Variants in ARHGAP39 observed in about 807,000 individuals in gnomAD.
ARHGAP39 encodes the protein Rho GTPase activating protein 39, also known as rho GTPase-activating protein 39.
In ARHGAP39, 44 loss-of-function variants were observed where a neutral mutation model predicts 106.9. That is an observed-to-expected ratio of 0.41 (90% CI 0.32 to 0.53). The LOEUF is 0.53. Ranked by LOEUF, ARHGAP39 falls within the 20% of genes least tolerant of loss-of-function variation. The pLI, the probability that ARHGAP39 is intolerant of heterozygous loss-of-function variation, is 0.21. For missense variants in ARHGAP39, 1,496 were observed against 1,577.3 expected, an observed-to-expected ratio of 0.95 and a Z score of 0.87; for synonymous variants, 768 against 693.2, an observed-to-expected ratio of 1.11 and a Z score of -1.69.
chr8:144,555,455 TG>T, intron 4 of ARHGAP39, 104 bp downstream of exon 4: 2 of 996,976 alleles, frequency 2.0e-6, no homozygotes, highest in Non-Finnish European at 3.2e-6. Context: ...TCTGGGTCTG[TG>T]GTGTTGCTGC....
At chr8:144,590,176 T>C (rs531925840) in intron 2 of ARHGAP39, among the ~76,000 whole-genome samples, 25 of 152,284 alleles carry the variant, frequency 1.6e-4, no homozygotes, top group African/African-American at 5.8e-4. Context: ...GACACTGCGG[T>C]TGGGGCAGGG....
Position 144,547,795 on chromosome 8 carries a change from G to C in ARHGAP39, c.1291C>G (p.Pro431Ala), listed in dbSNP as rs1406071690. The C allele has an allele frequency of 6.9e-6, 11 of 1,595,424 alleles. No individual in the cohort carries two copies. The highest frequency in any genetic ancestry group is 8.5e-6 in the Non-Finnish European group (10 of 1,175,326). Residue 431 changes from proline to alanine, a missense_variant, in exon 5 of 12, where the codon CCC becomes GCC. Around this residue, in one of 4 missense-constraint regions of ARHGAP39, gnomAD observed 905 missense variants for 816.4 expected, o/e 1.11. Transcript: ENST00000377307. This position sits in a 1 kb window ranked among gnomAD's most constrained non-coding sequence, Gnocchi z 5.2. ...NPGGGSYSLQPSPCLLRDQRL... is the reference protein window; with the variant it reads ...NPGGGSYSLQASPCLLRDQRL... ...TGGTCCCTCAGCAGGCAGGGGCTGG[G>C]CTGCAAGGAGTACGAACCACCGCCG...
At position 144,547,148 on chromosome 8, in the gene ARHGAP39, C is replaced by T. The variant is rs952263694; in HGVS notation, c.1938G>A (p.Glu646=). ...TCACCTGTGAGGGGTGGAGGTAGGG[C>T]TCTGGTGAGGCCAGGTTGGTCTGCA... ...VSVQTNLASP[E]PYLHPSQSED... is the part of the protein sequence containing the mutation. Residue 646 remains glutamate, a synonymous_variant, in exon 5 of 12, where the codon GAG becomes GAA. Coordinates refer to ENST00000377307, the MANE Select transcript of ARHGAP39 (RefSeq NM_025251.3). The surrounding 1 kb of genome is among the most constrained non-coding windows in gnomAD (Gnocchi z 5.2). The T allele has an allele frequency of 1.1e-5, 18 of 1,606,010 alleles. No homozygotes were observed. The highest frequency in any genetic ancestry group is 1.5e-5 in the Non-Finnish European group (18 of 1,176,446).
At chr8:144,678,001 C>T (rs1194405288) in intron 1 of ARHGAP39, among the ~76,000 whole-genome samples, 4 of 152,194 alleles carry the variant, frequency 2.6e-5, no homozygotes, top group African/African-American at 9.6e-5. Flanking sequence ...CAACGAGTCC[C>T]TCCCCCTGCT....
At chr8:144,663,769 A>C (rs1415811064) in intron 1 of ARHGAP39, among the ~76,000 whole-genome samples, 1 of 152,196 alleles carries the variant, frequency 6.6e-6, no homozygotes, top group Non-Finnish European at 1.5e-5. Context: ...CCAATACTTC[A>C]GGCTCATAAA....
At chr8:144,543,628 C>T (rs1271970267) in intron 6 of ARHGAP39, among the ~76,000 whole-genome samples, 9 of 152,260 alleles carry the variant, frequency 5.9e-5, no homozygotes, top group Non-Finnish European at 2.9e-5. Flanking sequence ...CCACGGCCGC[C>T]CAGGCTGAAG....
chr8:144,579,114 G>A (rs1398124341), intron 3 of ARHGAP39, among the ~76,000 whole-genome samples: 3 of 149,054 alleles, frequency 2.0e-5, no homozygotes, highest in East Asian at 2.0e-4. Context: ...AGGCAGGAGA[G>A]TGGTGTGAAC....
chr8:144,614,622 G>A (rs146833125), intron 1 of ARHGAP39, among the ~76,000 whole-genome samples: 3,882 of 152,274 alleles, frequency 0.025, 87 homozygotes, highest in Admixed American at 0.065. Flanking sequence ...ACAAGTGCTG[G>A]GATTACAGGT....
At position 144,586,677 on chromosome 8, in the gene ARHGAP39, C is replaced by T. The variant is rs117786043; in HGVS notation, c.81-5400G>A. ...AGGTACCACACCCACTTCCAGGCAC[C>T]GGGTCCCATGCTGACACAGGGCTCA... On this transcript the variant is annotated intron_variant, in intron 2 of 11. Transcript: ENST00000377307. The surrounding 1 kb of genome is among the most constrained non-coding windows in gnomAD (Gnocchi z 4.2). 0.019 allele frequency among the ~76,000 whole-genome samples: 2,957 copies of T among 152,316 alleles called. 71 individuals carry two copies. Among genetic ancestry groups the T allele is most frequent in the Admixed American group, 0.064 (977 of 15,294 alleles).
chr8:144,607,571 C>T (rs1206467123), intron 1 of ARHGAP39, among the ~76,000 whole-genome samples: 2 of 152,208 alleles, frequency 1.3e-5, no homozygotes, highest in Non-Finnish European at 2.9e-5. Context: ...AGCCCCCACC[C>T]CGCCCCCCAG....
rs939519578 is a variant in ARHGAP39, at chr8:144,679,234, C to T, written c.-82+6452G>A. 6.6e-6 allele frequency among the ~76,000 whole-genome samples: 1 copy of T among 152,200 alleles called. No individual in the cohort carries two copies. The highest frequency in any genetic ancestry group is 1.5e-5 in the Non-Finnish European group (1 of 68,032). Reference sequence around the variant, plus strand: ...GGTGAGATGGCCCAGACAGCAGGTACGGGCTCCTCAGCTCTGCTCAGCACA... The same window carrying T: ...GGTGAGATGGCCCAGACAGCAGGTATGGGCTCCTCAGCTCTGCTCAGCACA... On this transcript the variant is annotated intron_variant, in intron 1 of 11. Transcript: ENST00000377307. This position sits in a 1 kb window ranked among gnomAD's most constrained non-coding sequence, Gnocchi z 4.7.
chr8:144,668,543 G>A (rs879727885), intron 1 of ARHGAP39, among the ~76,000 whole-genome samples: 6 of 152,120 alleles, frequency 3.9e-5, no homozygotes, highest in Admixed American at 3.3e-4. Context: ...ATAAGGTTAA[G>A]AAAACAATTC....
At chr8:144,638,136 A>T (rs192947515) in intron 1 of ARHGAP39, among the ~76,000 whole-genome samples, 140 of 152,262 alleles carry the variant, frequency 9.2e-4, no homozygotes, top group African/African-American at 3.0e-3. Flanking sequence ...ATTTTGTTGG[A>T]TACTCAATAG....
At chr8:144,690,930 T>A in the ARHGAP39 span, among the ~76,000 whole-genome samples, 1 of 152,024 alleles carries the variant, frequency 6.6e-6, no homozygotes, top group South Asian at 2.1e-4. Context: ...AGTGCTGGGA[T>A]TACAGGCATG....
In ARHGAP39 at chr8:144,580,980, G is replaced by A. The variant is rs1408390217; in HGVS notation, c.378C>T (p.Arg126=). 1.3e-5 allele frequency: 21 copies of A among 1,598,386 alleles called. No homozygotes were observed. The highest frequency in any genetic ancestry group is 1.8e-5 in the Non-Finnish European group (21 of 1,173,722). Residue 126 remains arginine (R), a synonymous_variant, in exon 3 of 12, where the codon CGC becomes CGT. Coordinates refer to ENST00000377307, the MANE Select transcript of ARHGAP39 (RefSeq NM_025251.3). The part of the protein sequence containing the change: ...PRASAESSPG[R]GSSVSREGST... ...TGCCCTCACGGCTGACGCTGCTGCC[G>A]CGCCCGGGGCTGCTCTCCGCCGAGG...
chr8:144,673,216 C>CA (rs112112343), intron 1 of ARHGAP39, among the ~76,000 whole-genome samples: 96 of 141,242 alleles, frequency 6.8e-4, no homozygotes, highest in South Asian at 1.1e-3. Context: ...GAACCTGTCT[C>CA]AAAAAAAAAA....
rs878964977 is a variant in ARHGAP39, at chr8:144,547,845, G to A, written c.1241C>T (p.Pro414Leu). The change falls in exon 5 of 12, where the codon CCG becomes CTG. Residue 414 changes from proline (P) to leucine (L), a missense_variant. Transcript: ENST00000377307. The surrounding 1 kb of genome is among the most constrained non-coding windows in gnomAD (Gnocchi z 5.2). ...AGSSPKLRAGPRHKYAPNPGG... is the reference protein window; with the variant it reads ...AGSSPKLRAGLRHKYAPNPGG... ...GGGGTTGGGCGCGTACTTGTGCCGC[G>A]GGCCGGCGCGCAGCTTGGGGCTGGA... is the stretch of plus-strand genomic sequence containing the variant. 4 of 1,587,332 alleles carry A rather than the reference G, an allele frequency of 2.5e-6. No individual in the cohort carries two copies. Among genetic ancestry groups the A allele is most frequent in the Non-Finnish European group, 3.4e-6 (4 of 1,167,760 alleles).
rs569611920 is a variant in ARHGAP39, at chr8:144,532,456, G to A, written c.2889-60C>T. On this transcript the variant is annotated intron_variant, in intron 9 of 11. Transcript: ENST00000377307. ...GCCTGTGCTGCGGCTTCATGATTCC[G>A]CCTGGACACTCCCTCCGGTAGGCCC... 4,140 of 1,463,852 alleles carry A rather than the reference G, an allele frequency of 2.8e-3. 37 individuals carry two copies. The highest frequency in any genetic ancestry group is 0.014 in the South Asian group (1,152 of 85,202). 90.7% of individuals were successfully genotyped at this position (1,463,852 alleles called of 1,614,324 possible). A position where few individuals can be genotyped will look rare whatever the true frequency, so the allele number is the denominator to read the frequency against.
chr8:144,633,820 C>G (rs563168783), intron 1 of ARHGAP39, among the ~76,000 whole-genome samples: 4 of 152,198 alleles, frequency 2.6e-5, no homozygotes, highest in Non-Finnish European at 5.9e-5. Flanking sequence ...AGGACTACAG[C>G]GCGTACCACC....
Sources: allele counts gnomAD v4.1 joint callset (sites outside exome capture counted in the v4.1 genomes callset), GRCh38; gene constraint gnomAD v4.1.1; regional missense constraint gnomAD v4.1.1; non-coding constraint Gnocchi (gnomAD v3.1); transcripts MANE v1.5; gene names NCBI Gene and HGNC (gene_info 2026-07-23, HGNC 2026-07-21).